The following CDKAL1 variants were observed in gnomAD, a reference collection of about 807,000 sequenced individuals.
The protein encoded by CDKAL1 is CDKAL1 threonylcarbamoyladenosine tRNA methylthiotransferase.
A neutral mutation model predicts 68.2 loss-of-function variants in CDKAL1; 32 were observed. The observed-to-expected ratio is 0.47, with a 90% CI of 0.35 to 0.63. The LOEUF (loss-of-function observed/expected upper bound fraction) is 0.63, where lower values mean the gene tolerates loss of function less well. CDKAL1 is among the 30% of genes least tolerant of loss of function. The probability of loss-of-function intolerance (pLI) is 0.00; values close to 1 mark genes in which losing one functional copy is unlikely to be tolerated. For synonymous variants in CDKAL1, 234 were observed against 244.3 expected (o/e 0.96, Z 0.39); for missense variants, 606 against 696.7 (o/e 0.87, Z 1.47).
chr6:20,649,842 G>T (rs978677097), intron 5 of CDKAL1, among the ~76,000 whole-genome samples: 5 of 152,156 alleles, frequency 3.3e-5, no homozygotes, highest in Non-Finnish European at 7.3e-5. Context: ...TCCTGTATTA[G>T]TTTGGTGCGG....
chr6:20,884,187 G>A (rs1443746778), intron 9 of CDKAL1, among the ~76,000 whole-genome samples: 1 of 152,056 alleles, frequency 6.6e-6, no homozygotes, highest in Non-Finnish European at 1.5e-5. Flanking sequence ...ATATAATATA[G>A]CACATTAATG....
At chr6:20,992,196 TTA>T (rs973247441) in intron 10 of CDKAL1, among the ~76,000 whole-genome samples, 1 of 141,008 alleles carries the variant, frequency 7.1e-6, no homozygotes, top group African/African-American at 2.9e-5. Flanking sequence ...GTCAGCTTTT[TTA>T]TATATATATA....
intron 10 of CDKAL1, among the ~76,000 whole-genome samples, chr6:20,992,026 C>CT (rs71530400): frequency 7.7e-5 from 6 of 77,706 alleles, no homozygotes; most frequent in African/African-American, 2.4e-4. Context: ...CTTTTTTTTT[C>CT]TTTTCTTTTT....
intron 10 of CDKAL1, among the ~76,000 whole-genome samples, chr6:20,981,613 G>T (rs564938005): frequency 6.6e-6 from 1 of 152,208 alleles, no homozygotes; most frequent in Non-Finnish European, 1.5e-5. Context: ...AGGCCAAGAC[G>T]GGTGGATCAC....
At chr6:21,082,710 A>G (rs1463462681) in intron 12 of CDKAL1, among the ~76,000 whole-genome samples, 4 of 152,148 alleles carry the variant, frequency 2.6e-5, no homozygotes, top group Non-Finnish European at 5.9e-5. Flanking sequence ...GAATAATACA[A>G]AGACCTCCAG....
intron 11 of CDKAL1, among the ~76,000 whole-genome samples, chr6:21,009,766 TCTCA>T (rs1767915561): frequency 1.3e-5 from 2 of 152,316 alleles, no homozygotes; most frequent in East Asian, 1.9e-4. Context: ...TACCGCGTGT[TCTCA>T]CTCATATGCA....
chr6:20,740,821 C>G (rs1773422774), intron 6 of CDKAL1, among the ~76,000 whole-genome samples: 1 of 152,112 alleles, frequency 6.6e-6, no homozygotes, highest in Non-Finnish European at 1.5e-5. Flanking sequence ...CACCATTTGT[C>G]TGTTTACATT....
chr6:20,715,229 T>A (rs758848491), intron 5 of CDKAL1, among the ~76,000 whole-genome samples: 1 of 152,238 alleles, frequency 6.6e-6, no homozygotes, highest in Non-Finnish European at 1.5e-5. Context: ...TCTGCCAGAA[T>A]CACTGTTTTA....
At chr6:21,048,890 A>G (rs1188936719) in intron 11 of CDKAL1, among the ~76,000 whole-genome samples, 5 of 152,042 alleles carry the variant, frequency 3.3e-5, no homozygotes, top group African/African-American at 1.2e-4. Flanking sequence ...CCTGATATTC[A>G]TTTAATTGGT....
At chr6:21,220,428 G>GT (rs1373703224) in intron 15 of CDKAL1, among the ~76,000 whole-genome samples, 1 of 152,202 alleles carries the variant, frequency 6.6e-6, no homozygotes, top group Non-Finnish European at 1.5e-5. Context: ...TGAGGAAGCA[G>GT]TAAAGATAAA....
rs980052014 is a variant in CDKAL1, at chr6:21,221,153, C to T, written c.1549-9695C>T. Among the ~76,000 whole-genome samples, 107 of 151,904 alleles carry T rather than the reference C, an allele frequency of 7.0e-4. 1 individual carries two copies. The highest frequency in any genetic ancestry group is 5.3e-3 in the Admixed American group (81 of 15,258). ...CTGCACTCCAATCTAGGTGACAGAGCGAGACTCTATCTCAAAAAATAAAAA... is the reference window on the plus strand; with the variant it reads ...CTGCACTCCAATCTAGGTGACAGAGTGAGACTCTATCTCAAAAAATAAAAA... On this transcript the variant is annotated intron_variant, in intron 15 of 15. Coordinates refer to ENST00000274695, the MANE Select transcript of CDKAL1 (RefSeq NM_017774.3).
At chr6:20,664,539 T>C (rs1002804154) in intron 5 of CDKAL1, among the ~76,000 whole-genome samples, 2 of 152,174 alleles carry the variant, frequency 1.3e-5, no homozygotes, top group Non-Finnish European at 2.9e-5. Flanking sequence ...AAGACTTGTT[T>C]TACCTCAAAT....
intron 12 of CDKAL1, among the ~76,000 whole-genome samples, chr6:21,075,783 G>A (rs1772037693): frequency 6.6e-6 from 1 of 151,976 alleles, no homozygotes; most frequent in African/African-American, 2.4e-5. Context: ...CCTAGGAAAG[G>A]TCACCTAAGT....
chr6:21,214,710 G>A (rs535833044), intron 15 of CDKAL1, among the ~76,000 whole-genome samples: 1 of 152,058 alleles, frequency 6.6e-6, no homozygotes, highest in South Asian at 2.1e-4. Flanking sequence ...TTTCTCCATG[G>A]CACATTTTAT....
intron 11 of CDKAL1, among the ~76,000 whole-genome samples, chr6:21,045,311 T>C (rs57218026): frequency 0.02 from 3,052 of 152,298 alleles, 99 homozygotes; most frequent in African/African-American, 0.067. Flanking sequence ...GCTATAGTTA[T>C]CTAAATAATC....
chr6:20,599,948 A>G (rs187071476), intron 4 of CDKAL1, among the ~76,000 whole-genome samples: 1 of 152,316 alleles, frequency 6.6e-6, no homozygotes, highest in Non-Finnish European at 1.5e-5. Flanking sequence ...CATGTCTGAC[A>G]ATTTACCTTT....
At chr6:21,035,283 C>T (rs1769513369) in intron 11 of CDKAL1, among the ~76,000 whole-genome samples, 2 of 152,112 alleles carry the variant, frequency 1.3e-5, no homozygotes, top group Admixed American at 1.3e-4. Context: ...TTAAAACCCC[C>T]TCAAATTCTC....
At chr6:20,750,545 C>A (rs1198095308) in intron 6 of CDKAL1, among the ~76,000 whole-genome samples, 1 of 152,110 alleles carries the variant, frequency 6.6e-6, no homozygotes, top group Non-Finnish European at 1.5e-5. Flanking sequence ...CCTCCATGTG[C>A]ATAGGAGAAG....
At chr6:20,553,401 C>T (rs906334553) in intron 4 of CDKAL1, among the ~76,000 whole-genome samples, 8 of 151,768 alleles carry the variant, frequency 5.3e-5, no homozygotes, top group Non-Finnish European at 7.4e-5. Context: ...CCCAGCTACT[C>T]GGGAGGCTGA....
Sources: allele counts gnomAD v4.1 joint callset (sites outside exome capture counted in the v4.1 genomes callset), GRCh38; gene constraint gnomAD v4.1.1; transcripts MANE v1.5; gene names NCBI Gene and HGNC (gene_info 2026-07-23, HGNC 2026-07-21).